NKAIN2: variants seen among roughly 807,000 people sequenced by gnomAD.
The protein encoded by NKAIN2 is sodium/potassium-transporting ATPase subunit beta-1-interacting protein 2.
NKAIN2 carries 14 observed loss-of-function variants against 32.6 expected under a neutral mutation model. The ratio of observed to expected loss-of-function variants is 0.43; its 90% CI spans 0.28 to 0.67. The LOEUF is 0.67. NKAIN2 is among the 30% of genes least tolerant of loss of function. The probability of loss-of-function intolerance (pLI) is 0.17; values close to 1 mark genes in which losing one functional copy is unlikely to be tolerated. For synonymous variants in NKAIN2, 80 were observed against 87.2 expected (o/e 0.92, Z 0.46); for missense variants, 198 against 258.3 (o/e 0.77, Z 1.60).
intron 1 of NKAIN2, among the ~76,000 whole-genome samples, chr6:124,046,706 G>C (rs17086522): frequency 0.099 from 15,060 of 151,974 alleles, 836 homozygotes; most frequent in East Asian, 0.27. Flanking sequence ...TGCAGACATT[G>C]AGTTCTAGGG....
At chr6:123,948,779 GA>G (rs778763566) in intron 1 of NKAIN2, among the ~76,000 whole-genome samples, 3 of 151,496 alleles carry the variant, frequency 2.0e-5, no homozygotes, top group Non-Finnish European at 3.0e-5. Context: ...AGTCCTCTTT[GA>G]CTATTTTTGC....
chr6:124,437,872 A>G lies in NKAIN2; in HGVS notation c.273+82525A>G, dbSNP rs518359. 376 of 343,974 alleles carry G rather than the reference A, an allele frequency of 1.1e-3. 2 individuals are homozygous for G. The highest frequency in any genetic ancestry group is 3.2e-3 in the Middle Eastern group (6 of 1,884). 21.3% of individuals were successfully genotyped at this position (343,974 alleles called of 1,614,324 possible). A position where few individuals can be genotyped will look rare whatever the true frequency, so the allele number is the denominator to read the frequency against. On this transcript the variant is annotated intron_variant, in intron 3 of 6. Transcript: ENST00000368417. The stretch of plus-strand genomic sequence containing the variant: ...GTAGGGAATACGTACTGATCTATTG[A>G]TTTTTTTTTTTTTTTTTTTCTTAAC...
intron 5 of NKAIN2, among the ~76,000 whole-genome samples, chr6:124,814,260 C>G (rs1384057222): frequency 6.6e-6 from 1 of 152,124 alleles, no homozygotes; most frequent in Non-Finnish European, 1.5e-5. Context: ...GACATCCAAA[C>G]AATTTCTGAG....
intron 4 of NKAIN2, among the ~76,000 whole-genome samples, chr6:124,759,655 A>ACACACACAC (rs1562367638): frequency 1.9e-5 from 1 of 53,078 alleles, no homozygotes; most frequent in African/African-American, 5.7e-5. Flanking sequence ...ACACACACAC[A>ACACACACAC]CCCCCTATCT....
intron 4 of NKAIN2, among the ~76,000 whole-genome samples, chr6:124,702,125 A>T (rs1054164265): frequency 2.6e-5 from 4 of 152,126 alleles, no homozygotes; most frequent in Admixed American, 2.6e-4. Context: ...TGCTATATAT[A>T]TATTTGCCTA....
chr6:124,311,949 G>T (rs1351247402), intron 2 of NKAIN2, among the ~76,000 whole-genome samples: 2 of 152,144 alleles, frequency 1.3e-5, no homozygotes, highest in African/African-American at 4.8e-5. Flanking sequence ...CTACTAGTAA[G>T]TAGTGGTTAA....
chr6:124,050,102 T>C (rs1432354596), intron 1 of NKAIN2, among the ~76,000 whole-genome samples: 2 of 152,040 alleles, frequency 1.3e-5, no homozygotes, highest in African/African-American at 4.8e-5. Context: ...ACTGTGGGTC[T>C]TAAAACACAT....
chr6:124,264,280 C>G (rs1794382976), intron 1 of NKAIN2, among the ~76,000 whole-genome samples: 1 of 152,106 alleles, frequency 6.6e-6, no homozygotes, highest in African/African-American at 2.4e-5. Context: ...ACGCAGATGC[C>G]TCACCTCAGC....
intron 3 of NKAIN2, among the ~76,000 whole-genome samples, chr6:124,625,197 A>C (rs1384813454): frequency 6.6e-6 from 1 of 152,186 alleles, no homozygotes; most frequent in African/African-American, 2.4e-5. Flanking sequence ...GAATATGAAC[A>C]TAAATTGTGA....
chr6:124,018,599 C>T (rs1780706244), intron 1 of NKAIN2, among the ~76,000 whole-genome samples: 2 of 152,126 alleles, frequency 1.3e-5, no homozygotes. Context: ...GAAATTCCCC[C>T]AGTCTCTTTG....
chr6:124,701,232 T>C (rs1339502960), intron 4 of NKAIN2, among the ~76,000 whole-genome samples: 1 of 151,798 alleles, frequency 6.6e-6, no homozygotes, highest in Non-Finnish European at 1.5e-5. Flanking sequence ...TCATTTCTTT[T>C]TTTATAATGT....
intron 1 of NKAIN2, among the ~76,000 whole-genome samples, chr6:123,968,611 T>G (rs1249216802): frequency 6.6e-6 from 1 of 152,200 alleles, no homozygotes; most frequent in Non-Finnish European, 1.5e-5. Flanking sequence ...CTCTAAGCTG[T>G]GTCCTAGTTA....
intron 1 of NKAIN2, among the ~76,000 whole-genome samples, chr6:123,960,035 A>C (rs1016230433): frequency 6.6e-6 from 1 of 151,970 alleles, no homozygotes; most frequent in African/African-American, 2.4e-5. Context: ...CTATCTAAAG[A>C]GGTAAACACT....
intron 4 of NKAIN2, among the ~76,000 whole-genome samples, chr6:124,664,185 G>A (rs559151721): frequency 6.6e-6 from 1 of 151,932 alleles, no homozygotes; most frequent in East Asian, 2.0e-4. Context: ...TGAGGCAGGA[G>A]AATTGCCTGG....
At chr6:124,207,693 T>G (rs1790964222) in intron 1 of NKAIN2, among the ~76,000 whole-genome samples, 1 of 151,860 alleles carries the variant, frequency 6.6e-6, no homozygotes, top group Admixed American at 6.6e-5. Flanking sequence ...AACTGAATAA[T>G]TTACCGTATT....
At chr6:124,088,361 A>G (rs114154799) in intron 1 of NKAIN2, among the ~76,000 whole-genome samples, 2,963 of 152,062 alleles carry the variant, frequency 0.019, 89 homozygotes, top group African/African-American at 0.065. Context: ...TTTGGGCTCA[A>G]TCATGCCACT....
At chr6:124,243,096 A>G (rs1793200725) in intron 1 of NKAIN2, among the ~76,000 whole-genome samples, 1 of 151,918 alleles carries the variant, frequency 6.6e-6, no homozygotes, top group Non-Finnish European at 1.5e-5. Flanking sequence ...AAAAGCACAG[A>G]TTTGTCATAA....
chr6:123,885,174 A>G (rs1226669134), intron 1 of NKAIN2, among the ~76,000 whole-genome samples: 1 of 152,190 alleles, frequency 6.6e-6, no homozygotes, highest in Non-Finnish European at 1.5e-5. Context: ...TCCCTAAGTC[A>G]TGTATTCTGG....
At chr6:124,691,492 C>T (rs199868994) in intron 4 of NKAIN2, among the ~76,000 whole-genome samples, 91 of 152,228 alleles carry the variant, frequency 6.0e-4, no homozygotes, top group African/African-American at 2.0e-3. Context: ...GTTCCTCTGC[C>T]GAGAATTCAG....
Sources: gnomAD v4.1 joint callset for allele counts (sites outside exome capture counted in the v4.1 genomes callset) on GRCh38, gnomAD v4.1.1 for gene constraint, MANE v1.5 for transcripts, NCBI Gene and HGNC (gene_info 2026-07-23, HGNC 2026-07-21) for gene names.